FBLN2: variants seen among roughly 807,000 people sequenced by gnomAD.
The protein encoded by FBLN2 is fibulin 2.
A neutral mutation model predicts 123.7 loss-of-function variants in FBLN2; 81 were observed. The observed-to-expected ratio is 0.65, with a 90% CI of 0.55 to 0.79. The LOEUF is 0.79. Ranked by LOEUF, FBLN2 falls within the 30% of genes least tolerant of loss-of-function variation. FBLN2 has a pLI of 0.00. For missense variants in FBLN2, 1,603 were observed against 1,681.3 expected (o/e 0.95, Z 0.81); for synonymous variants, 699 against 701.4 (o/e 1.00, Z 0.05).
intron 16 of FBLN2, among the ~76,000 whole-genome samples, chr3:13,631,746 G>C (rs946610880): frequency 6.6e-6 from 1 of 152,176 alleles, no homozygotes; most frequent in African/African-American, 2.4e-5. Flanking sequence ...TTTCTACGGA[G>C]GCACGAAGCC....
At chr3:13,636,361 C>A in intron 16 of FBLN2, 84 bp from the exon 17 acceptor site, 2 of 1,546,870 alleles carry the variant, frequency 1.3e-6, no homozygotes, top group East Asian at 4.6e-5. Flanking sequence ...TGCCGTGGGG[C>A]CCAGGCCTTT....
chr3:13,620,790 C>T lies in FBLN2; in HGVS notation c.2155+959C>T, dbSNP rs139076652. Among the ~76,000 whole-genome samples the T allele has an allele frequency of 3.6e-4, 55 of 152,350 alleles. 1 individual carries two copies. The East Asian group carries it at 9.8e-3, about 27-fold the overall frequency. Reference sequence around the variant, plus strand: ...TCAAGTCTGCCTGGGTGAATACCCACATCCCTCCCAGAAGCTGAAAGCCCG... The same window carrying T: ...TCAAGTCTGCCTGGGTGAATACCCATATCCCTCCCAGAAGCTGAAAGCCCG... On this transcript the variant is annotated intron_variant, in intron 8 of 17. Transcript: ENST00000404922.
chr3:13,633,149 T>C (rs972277062), intron 16 of FBLN2, among the ~76,000 whole-genome samples: 1 of 152,272 alleles, frequency 6.6e-6, no homozygotes, highest in Admixed American at 6.5e-5. Flanking sequence ...GACACCTGGA[T>C]GCCCACATGT....
intron 1 of FBLN2, chr3:13,568,686 C>T (rs1443258236): frequency 1.2e-5 from 10 of 826,040 alleles, no homozygotes; most frequent in South Asian, 1.1e-4. Flanking sequence ...CCTCCTCTTC[C>T]GCCGGACTGA....
At chr3:13,600,691 C>T (rs980198160) in intron 2 of FBLN2, among the ~76,000 whole-genome samples, 3 of 151,092 alleles carry the variant, frequency 2.0e-5, no homozygotes, top group Admixed American at 6.6e-5. Context: ...TCTTGGCTCA[C>T]TGCAACCTCC....
At chr3:13,565,764 C>T (rs958545047) in intron 1 of FBLN2, among the ~76,000 whole-genome samples, 1 of 152,212 alleles carries the variant, frequency 6.6e-6, no homozygotes, top group African/African-American at 2.4e-5. Context: ...TTCCTGTCCC[C>T]AGATGGCAGC....
At chr3:13,580,268 AC>A (rs1205472040) in intron 2 of FBLN2, among the ~76,000 whole-genome samples, 1 of 151,760 alleles carries the variant, frequency 6.6e-6, no homozygotes, top group Non-Finnish European at 1.5e-5. Flanking sequence ...TTTTATATGG[AC>A]GTATTTTTAT....
chr3:13,630,068 C>T (rs2124908349), intron 14 of FBLN2, 123 bp downstream of exon 14: 2 of 1,365,906 alleles, frequency 1.5e-6, no homozygotes, highest in Non-Finnish European at 2.0e-6. Context: ...CACCTTCACC[C>T]ATGCTGGCCC....
chr3:13,612,132 G>A (rs536809607), intron 4 of FBLN2, among the ~76,000 whole-genome samples: 11 of 152,038 alleles, frequency 7.2e-5, no homozygotes, highest in Non-Finnish European at 1.6e-4. Flanking sequence ...TGGTCATCTT[G>A]GGGTCAATTT....
chr3:13,551,955 C>T (rs1703335272), intron 1 of FBLN2, among the ~76,000 whole-genome samples: 1 of 151,822 alleles, frequency 6.6e-6, no homozygotes, highest in Admixed American at 6.6e-5. Context: ...AGTGATCCTC[C>T]AGCCTCAGCC....
chr3:13,626,812 C>T (rs1369813881), intron 10 of FBLN2, among the ~76,000 whole-genome samples: 2 of 152,146 alleles, frequency 1.3e-5, no homozygotes, highest in African/African-American at 2.4e-5. Flanking sequence ...TGAGGGCAGG[C>T]TAGGTCCACC....
At position 13,632,049 on chromosome 3, in the gene FBLN2, AAG is replaced by A. The variant is rs1559428846; in HGVS notation, c.3214+597_3214+598del. ...CTGGGCAGTCACCTGTGGAATTTGC[AAG>A]AGAGGGGACTGTGTCCCTGGATAGA... On this transcript the variant is annotated intron_variant, in intron 16 of 17. Coordinates refer to ENST00000404922, the MANE Select transcript of FBLN2 (RefSeq NM_001004019.2). Among the ~76,000 whole-genome samples, 6 of 152,266 alleles carry A rather than the reference AAG, an allele frequency of 3.9e-5. No individual in the cohort carries two copies. In the South Asian group the frequency reaches 1.2e-3, roughly 32 times the overall value.
chr3:13,583,593 C>G (rs1002637822), intron 2 of FBLN2, among the ~76,000 whole-genome samples: 1 of 152,262 alleles, frequency 6.6e-6, no homozygotes, highest in Admixed American at 6.5e-5. Context: ...AGGCCTCAGG[C>G]TCTGCACTCG....
chr3:13,607,417 C>T (rs994016432), intron 2 of FBLN2, among the ~76,000 whole-genome samples: 1 of 152,172 alleles, frequency 6.6e-6, no homozygotes, highest in African/African-American at 2.4e-5. Flanking sequence ...TGTCTTCAGG[C>T]TGAGTAGGCT....
At chr3:13,614,973 T>TATCC (rs56688853) in intron 5 of FBLN2, among the ~76,000 whole-genome samples, 5,080 of 143,278 alleles carry the variant, frequency 0.035, 97 homozygotes, top group South Asian at 0.053. Flanking sequence ...TCCATCTGCT[T>TATCC]ATCCATCCAT....
At chr3:13,617,129 CCCATCCATTCATCAAT>C (rs1705636367) in intron 5 of FBLN2, among the ~76,000 whole-genome samples, 1 of 140,110 alleles carries the variant, frequency 7.1e-6, no homozygotes, top group Non-Finnish European at 1.5e-5. Context: ...CATTCATTTG[CCCATCCATTCATCAAT>C]CCATCCATCC....
At chr3:13,625,976 G>C (rs943433217) in intron 9 of FBLN2, among the ~76,000 whole-genome samples, 1 of 151,702 alleles carries the variant, frequency 6.6e-6, no homozygotes, top group Admixed American at 6.6e-5. Flanking sequence ...TGTCTGCATG[G>C]CCCAGTCTGT....
chr3:13,605,768 GGTGCC>G (rs1204192100), intron 2 of FBLN2, among the ~76,000 whole-genome samples: 2 of 152,138 alleles, frequency 1.3e-5, no homozygotes, highest in African/African-American at 2.4e-5. Context: ...CTGTATAAGT[GGTGCC>G]ACATCTCTCC....
Position 13,559,908 on chromosome 3 carries a change from G to A in FBLN2, c.-41-10407G>A, listed in dbSNP as rs368205878. Among the ~76,000 whole-genome samples, 11 of 152,336 alleles carry A rather than the reference G, an allele frequency of 7.2e-5. No homozygotes were observed. The South Asian group carries it at 8.3e-4, about 11-fold the overall frequency. ...TCCCCCCGCCCCAGGCGGGGCATGG[G>A]TGTGCCTCCTTCTAGGGTCGGGTGG... On this transcript the variant is annotated intron_variant, in intron 1 of 17. Transcript: ENST00000404922.
Sources: gnomAD v4.1 joint callset for allele counts (sites outside exome capture counted in the v4.1 genomes callset) on GRCh38, gnomAD v4.1.1 for gene constraint, MANE v1.5 for transcripts, NCBI Gene and HGNC (gene_info 2026-07-23, HGNC 2026-07-21) for gene names.